The following ZNF148 variants were observed in gnomAD, a reference collection of about 807,000 sequenced individuals.
The protein encoded by ZNF148 is Beta-Enolase Repressor Factor-1.
ZNF148 carries 7 observed loss-of-function variants against 67.7 expected under a neutral mutation model. The observed-to-expected ratio is 0.10, with a 90% confidence interval of 0.06 to 0.19. The LOEUF (loss-of-function observed/expected upper bound fraction) is 0.19. ZNF148 is among the 10% of genes least tolerant of loss of function. The probability of loss-of-function intolerance (pLI) is 1.00; values close to 1 mark genes in which losing one functional copy is unlikely to be tolerated. For synonymous variants in ZNF148, 333 were observed against 330.7 expected, an observed-to-expected ratio of 1.01 and a Z score of -0.08; for missense variants, 583 against 947.1, an observed-to-expected ratio of 0.62 and a Z score of 5.05.
chr3:125,316,493 T>A (rs1007416695), intron 3 of ZNF148, among the ~76,000 whole-genome samples: 9 of 152,326 alleles, frequency 5.9e-5, no homozygotes, highest in African/African-American at 2.2e-4. Flanking sequence ...TTTCTCCACA[T>A]CCTCACCAGC....
At chr3:125,335,964 C>G (rs1434330573) in intron 1 of ZNF148, among the ~76,000 whole-genome samples, 1 of 152,158 alleles carries the variant, frequency 6.6e-6, no homozygotes, top group African/African-American at 2.4e-5. Flanking sequence ...GAAACTCCCA[C>G]AAAAATTCTG....
chr3:125,323,297 T>C lies in ZNF148; in HGVS notation c.-17+12A>G. 2 of 604,804 alleles carry C rather than the reference T, an allele frequency of 3.3e-6. No individual in the cohort carries two copies. Among genetic ancestry groups the C allele is most frequent in the Non-Finnish European group, 2.9e-6 (1 of 342,906 alleles). 37.5% of individuals were successfully genotyped at this position (604,804 alleles called of 1,614,324 possible). A position where few individuals can be genotyped will look rare whatever the true frequency, so the allele number is the denominator to read the frequency against. On this transcript the variant is annotated intron_variant, in intron 3 of 8. Transcript: ENST00000360647. ...TTTATTCAAGATTATGAAAAATAAGTATTAAAATTACCCGAGACTAAGGTA... is the reference window on the plus strand; with the variant it reads ...TTTATTCAAGATTATGAAAAATAAGCATTAAAATTACCCGAGACTAAGGTA...
chr3:125,307,241 G>A (rs1278437168), intron 4 of ZNF148, among the ~76,000 whole-genome samples: 2 of 152,008 alleles, frequency 1.3e-5, no homozygotes, highest in East Asian at 1.9e-4. Flanking sequence ...AATAATGACA[G>A]GATATTCATA....
rs59309462 is a variant in ZNF148, at chr3:125,255,236, CTTTTTTTTTT to C, written c.668-20917_668-20908del. The stretch of plus-strand genomic sequence containing the variant: ...TTTAGTGATTTAATGTCTCCACCTG[CTTTTTTTTTT>C]TTTTTTTTTTTTTTTTTTGAGACGG... On this transcript the variant is annotated intron_variant, in intron 7 of 8. Coordinates refer to ENST00000360647, the MANE Select transcript of ZNF148 (RefSeq NM_021964.3). 9.7e-5 allele frequency among the ~76,000 whole-genome samples: 6 copies of C among 62,134 alleles called. No homozygotes were observed. In the East Asian group the frequency reaches 1.8e-3, roughly 19 times the overall value. 40.8% of individuals were successfully genotyped at this position (62,134 alleles called of 152,430 possible).
intron 1 of ZNF148, among the ~76,000 whole-genome samples, chr3:125,368,262 A>G (rs961375252): frequency 6.6e-6 from 1 of 152,230 alleles, no homozygotes; most frequent in African/African-American, 2.4e-5. Context: ...TAAAAAATTT[A>G]TTTACACATT....
At chr3:125,318,085 T>C (rs1341521166) in intron 3 of ZNF148, among the ~76,000 whole-genome samples, 1 of 152,118 alleles carries the variant, frequency 6.6e-6, no homozygotes, top group Non-Finnish European at 1.5e-5. Flanking sequence ...AAAAAATACA[T>C]TTTTATTGTC....
At chr3:125,320,890 G>C (rs951173263) in intron 3 of ZNF148, among the ~76,000 whole-genome samples, 1 of 152,122 alleles carries the variant, frequency 6.6e-6, no homozygotes, top group African/African-American at 2.4e-5. Context: ...CTAACCGTGA[G>C]AAATTATACC....
chr3:125,254,706 CATT>C (rs1222298867), intron 7 of ZNF148, among the ~76,000 whole-genome samples: 1 of 149,596 alleles, frequency 6.7e-6, no homozygotes, highest in African/African-American at 2.4e-5. Flanking sequence ...ATTTTTTTTT[CATT>C]ATTTTATGTT....
intron 1 of ZNF148, among the ~76,000 whole-genome samples, chr3:125,364,024 T>A (rs1942626756): frequency 1.3e-5 from 2 of 152,132 alleles, no homozygotes. Context: ...GGTCACCAGA[T>A]TAGTATTCTT....
intron 1 of ZNF148, among the ~76,000 whole-genome samples, chr3:125,356,229 C>T (rs1229943146): frequency 6.6e-6 from 1 of 152,178 alleles, no homozygotes; most frequent in East Asian, 1.9e-4. Context: ...AACGTTCACA[C>T]GTTCATTTTT....
chr3:125,277,569 A>G (rs1347365016), intron 7 of ZNF148, among the ~76,000 whole-genome samples, 157 bp downstream of exon 7: 1 of 152,226 alleles, frequency 6.6e-6, no homozygotes, highest in Non-Finnish European at 1.5e-5. Context: ...AAGTCTTAAC[A>G]GTTAACATTG....
At chr3:125,317,656 T>TAGAGAG (rs1332514441) in intron 3 of ZNF148, among the ~76,000 whole-genome samples, 45 of 7,274 alleles carry the variant, frequency 6.2e-3, no homozygotes, top group African/African-American at 0.024. Flanking sequence ...TATATATATA[T>TAGAGAG]ATATATAGAG....
chr3:125,290,465 A>C (rs1377262897), intron 4 of ZNF148, among the ~76,000 whole-genome samples: 1 of 152,144 alleles, frequency 6.6e-6, no homozygotes, highest in African/African-American at 2.4e-5. Flanking sequence ...CTTTATCAAG[A>C]CTTATTTCTC....
At chr3:125,274,258 G>A (rs970695935) in intron 7 of ZNF148, among the ~76,000 whole-genome samples, 15 of 152,138 alleles carry the variant, frequency 9.9e-5, no homozygotes, top group East Asian at 9.7e-4. Context: ...AATTATCTTC[G>A]ACCTTAGCCT....
chr3:125,255,058 G>A (rs979836667), intron 7 of ZNF148, among the ~76,000 whole-genome samples: 9 of 151,728 alleles, frequency 5.9e-5, no homozygotes, highest in East Asian at 1.9e-4. Context: ...CCACTTCCAC[G>A]ACAATACTAG....
chr3:125,322,696 G>C (rs970032211), intron 3 of ZNF148, among the ~76,000 whole-genome samples: 8 of 152,110 alleles, frequency 5.3e-5, no homozygotes, highest in African/African-American at 1.9e-4. Flanking sequence ...TTAATCTCAA[G>C]ATAGTTTACA....
At chr3:125,256,204 A>AG (rs1216796836) in intron 7 of ZNF148, among the ~76,000 whole-genome samples, 3 of 151,758 alleles carry the variant, frequency 2.0e-5, no homozygotes, top group Non-Finnish European at 4.4e-5. Flanking sequence ...TCTACTGAAA[A>AG]TACAGAAAAA....
intron 1 of ZNF148, among the ~76,000 whole-genome samples, chr3:125,358,070 G>A (rs189131410): frequency 1.3e-5 from 2 of 152,298 alleles, no homozygotes; most frequent in East Asian, 3.9e-4. Flanking sequence ...CCAGCACTTT[G>A]GGAGGCTGAG....
intron 1 of ZNF148, among the ~76,000 whole-genome samples, chr3:125,373,126 A>G (rs1942944521): frequency 6.6e-6 from 1 of 151,664 alleles, no homozygotes. Flanking sequence ...TGATGACAAT[A>G]AAATTGAGTA....
Sources: allele counts gnomAD v4.1 joint callset (sites outside exome capture counted in the v4.1 genomes callset), GRCh38; gene constraint gnomAD v4.1.1; transcripts MANE v1.5; gene names NCBI Gene and HGNC (gene_info 2026-07-23, HGNC 2026-07-21).